ANXA13: variants seen among roughly 807,000 people sequenced by gnomAD.
ANXA13 encodes annexin XIII.
A neutral mutation model predicts 46.6 loss-of-function variants in ANXA13; 36 were observed. That is an observed-to-expected ratio of 0.77 (90% CI 0.59 to 1.02). ANXA13 has a LOEUF of 1.02. ANXA13 is among the 50% of genes least tolerant of loss of function. The pLI is 0.00. For synonymous variants in ANXA13, 163 were observed against 152.9 expected (o/e 1.07, Z -0.49); for missense variants, 417 against 396.5 (o/e 1.05, Z -0.44).
intron 1 of ANXA13, among the ~76,000 whole-genome samples, chr8:123,713,756 C>T (rs1813705939): frequency 6.6e-6 from 1 of 152,058 alleles, no homozygotes; most frequent in Admixed American, 6.6e-5. Flanking sequence ...TGAAGTGGTG[C>T]GATCTCAGCT....
At chr8:123,722,342 A>AAAAGAAAG (rs148382346) in intron 1 of ANXA13, among the ~76,000 whole-genome samples, 10,390 of 136,706 alleles carry the variant, frequency 0.076, 442 homozygotes, top group East Asian at 0.12. Context: ...GAAAGAAAAG[A>AAAAGAAAG]AAAGAAAGAA....
At chr8:123,719,726 A>G (rs117715229) in intron 1 of ANXA13, among the ~76,000 whole-genome samples, 1,740 of 152,270 alleles carry the variant, frequency 0.011, 17 homozygotes, top group Non-Finnish European at 0.018. Flanking sequence ...TCAATGTGCT[A>G]ACATGATTGC....
chr8:123,699,996 AT>A (rs989531627), intron 3 of ANXA13, among the ~76,000 whole-genome samples: 4 of 152,194 alleles, frequency 2.6e-5, no homozygotes, highest in African/African-American at 7.2e-5. Flanking sequence ...GCTGAAAAAA[AT>A]TTTCTAAGAG....
At chr8:123,684,219 G>C (rs1387244059) in intron 10 of ANXA13, among the ~76,000 whole-genome samples, 1 of 152,188 alleles carries the variant, frequency 6.6e-6, no homozygotes, top group Non-Finnish European at 1.5e-5. Flanking sequence ...GTTAAGGAAA[G>C]GCCTCACTCA....
In ANXA13 at chr8:123,726,627, A is replaced by G. The variant is rs1051872929; in HGVS notation, c.15+10693T>C. Among the ~76,000 whole-genome samples, 4 of 152,196 alleles carry G rather than the reference A, an allele frequency of 2.6e-5. No homozygotes were observed. The South Asian group carries it at 8.3e-4, about 32-fold the overall frequency. On this transcript the variant is annotated intron_variant, in intron 1 of 10. Transcript: ENST00000419625. ...AATCCAGCAGCCCAGCAGCCTTTTT[A>G]CTGAGGGTTTCTGCAGTGAAACCCT...
In ANXA13 at chr8:123,729,880, C is replaced by T. The variant is rs184640097; in HGVS notation, c.15+7440G>A. ...CAAAAACAACTGTGAACTCATACTT[C>T]GCAAAGATATCTCAAACTCTATAGA... is the stretch of plus-strand genomic sequence containing the variant. On this transcript the variant is annotated intron_variant, in intron 1 of 10. Coordinates refer to ENST00000419625, the MANE Select transcript of ANXA13 (RefSeq NM_004306.4). Among the ~76,000 whole-genome samples, 126 of 152,320 alleles carry T rather than the reference C, an allele frequency of 8.3e-4. 4 individuals are homozygous for T. The South Asian group carries it at 0.023, about 27-fold the overall frequency.
chr8:123,702,916 T>G (rs1347744747), intron 2 of ANXA13, among the ~76,000 whole-genome samples, 180 bp from the exon 3 acceptor site: 1 of 152,188 alleles, frequency 6.6e-6, no homozygotes, highest in East Asian at 1.9e-4. Context: ...TTCATTCACT[T>G]AGACAAATAG....
intron 1 of ANXA13, among the ~76,000 whole-genome samples, chr8:123,723,073 A>G (rs1200254926): frequency 6.6e-6 from 1 of 152,216 alleles, no homozygotes; most frequent in Non-Finnish European, 1.5e-5. Flanking sequence ...TTCCAGCTGG[A>G]TAAATTGCCA....
At position 123,734,193 on chromosome 8, in the gene ANXA13, C is replaced by G. The variant is rs1814196433; in HGVS notation, c.15+3127G>C. ...TCAATGGCTCTACTAGGTCTCCCTC[C>G]CTCTGTCATTCTGCACATATCCTAT... On this transcript the variant is annotated intron_variant, in intron 1 of 10. Transcript: ENST00000419625. 3.3e-5 allele frequency among the ~76,000 whole-genome samples: 5 copies of G among 152,318 alleles called. No individual in the cohort carries two copies. The South Asian group carries it at 1.0e-3, about 32-fold the overall frequency.
At position 123,695,545 on chromosome 8, in the gene ANXA13, T is replaced by A. The variant is rs1813314674; in HGVS notation, c.428A>T (p.Asp143Val). The change falls in exon 6 of 11, where the codon GAT becomes GTT. Residue 143 changes from aspartate (D) to valine (V), a missense_variant. Transcript: ENST00000419625. ...DRSLESDVKG[D>V]TSGNLKKILV... ...GATTTTTTTTAGGTTTCCACTTGTA[T>A]CACCTTTGACATCTGATTCGAGGCT... 1 of 1,614,132 alleles carries A rather than the reference T, an allele frequency of 6.2e-7. No homozygotes were observed. Among genetic ancestry groups the A allele is most frequent in the African/African-American group, 1.3e-5 (1 of 75,046 alleles).
At chr8:123,686,316 C>T (rs1245213813) in intron 9 of ANXA13, among the ~76,000 whole-genome samples, 2 of 151,900 alleles carry the variant, frequency 1.3e-5, no homozygotes, top group African/African-American at 4.8e-5. Flanking sequence ...CTACTAATAA[C>T]ATAAAAATTA....
At chr8:123,695,476 A>G (rs1383350698) in intron 6 of ANXA13, 26 bp downstream of exon 6, 1 of 1,582,340 alleles carries the variant, frequency 6.3e-7, no homozygotes, top group Non-Finnish European at 8.7e-7. Context: ...AAGATGATAA[A>G]ACAGGTGACA....
chr8:123,727,032 A>G (rs1050905809), intron 1 of ANXA13, among the ~76,000 whole-genome samples: 2 of 152,166 alleles, frequency 1.3e-5, no homozygotes, highest in Non-Finnish European at 2.9e-5. Flanking sequence ...GAATGATACA[A>G]TGGATTTTTG....
chr8:123,735,294 G>A (rs554875525), intron 1 of ANXA13, among the ~76,000 whole-genome samples: 19 of 152,136 alleles, frequency 1.2e-4, no homozygotes, highest in South Asian at 4.1e-4. Context: ...TTGTGTAGCT[G>A]TTTCAAAACC....
intron 4 of ANXA13, among the ~76,000 whole-genome samples, chr8:123,697,538 C>T (rs1281717226): frequency 1.3e-5 from 2 of 152,324 alleles, no homozygotes; most frequent in Middle Eastern, 3.4e-3. Flanking sequence ...GCAGCGTGAA[C>T]GTGGCCCAGC....
At chr8:123,727,655 A>T (rs1176686740) in intron 1 of ANXA13, 1 of 31,600 alleles carries the variant, frequency 3.2e-5, no homozygotes. Flanking sequence ...GCCCACACAC[A>T]CACAAATAAT....
chr8:123,711,514 C>G (rs1363636260), intron 2 of ANXA13: 5 of 152,608 alleles, frequency 3.3e-5, no homozygotes, highest in Admixed American at 3.3e-4. Context: ...TGCAGAGTCC[C>G]CCACTCTTGG....
intron 1 of ANXA13, among the ~76,000 whole-genome samples, chr8:123,719,584 T>C (rs931843265): frequency 6.6e-6 from 1 of 152,166 alleles, no homozygotes; most frequent in Non-Finnish European, 1.5e-5. Flanking sequence ...TTGTGCTGGT[T>C]CTCAAAGGGC....
intron 10 of ANXA13, among the ~76,000 whole-genome samples, 178 bp downstream of exon 10, chr8:123,684,431 TA>T (rs1246473774): frequency 4.6e-5 from 7 of 152,200 alleles, no homozygotes; most frequent in Non-Finnish European, 5.9e-5. Flanking sequence ...TGTATTTTTA[TA>T]AAAAGAAACA....
Sources: allele counts gnomAD v4.1 joint callset (sites outside exome capture counted in the v4.1 genomes callset), GRCh38; gene constraint gnomAD v4.1.1; transcripts MANE v1.5; gene names NCBI Gene and HGNC (gene_info 2026-07-23, HGNC 2026-07-21).